The following SRPK1 variants were observed in gnomAD, a reference collection of about 807,000 sequenced individuals.
SRPK1 encodes the protein SFRS protein kinase 1.
SRPK1 carries 52 observed loss-of-function variants against 89.5 expected under a neutral mutation model. The ratio of observed to expected loss-of-function variants is 0.58; its 90% CI spans 0.46 to 0.73. The LOEUF is 0.73. Ranked by LOEUF, SRPK1 falls within the 30% of genes least tolerant of loss-of-function variation. The pLI is 0.00. For missense variants in SRPK1, 603 were observed against 780.6 expected (o/e 0.77, Z 2.71); for synonymous variants, 255 against 270.2 (o/e 0.94, Z 0.55).
At chr6:35,919,914 C>G (rs1321603177) in intron 2 of SRPK1, among the ~76,000 whole-genome samples, 2 of 152,178 alleles carry the variant, frequency 1.3e-5, no homozygotes, top group Non-Finnish European at 2.9e-5. Flanking sequence ...TCTGCCGGCA[C>G]ACTGCAAAAA....
intron 5 of SRPK1, chr6:35,887,734 A>C: frequency 2.5e-5 from 6 of 237,384 alleles, no homozygotes; most frequent in Non-Finnish European, 4.0e-5. Context: ...ACATTATGAC[A>C]GTAGCTACCT....
intron 6 of SRPK1, among the ~76,000 whole-genome samples, chr6:35,881,619 A>G (rs1326437107): frequency 6.6e-6 from 1 of 152,166 alleles, no homozygotes; most frequent in African/African-American, 2.4e-5. Flanking sequence ...ATCAGACAAA[A>G]TAGATTTTCA....
At chr6:35,869,199 C>T (rs1769973585) in intron 11 of SRPK1, 89 bp from the exon 12 acceptor site, 4 of 1,126,916 alleles carry the variant, frequency 3.5e-6, no homozygotes, top group Non-Finnish European at 5.1e-6. Flanking sequence ...AAGAGTAATA[C>T]AGTCAGCAAT....
rs1769684981 is a variant in SRPK1 at position 35,857,287 on chromosome 6, C to T, written c.1594G>A (p.Ala532Thr). Reference sequence around the variant, plus strand: ...ATGCATGCCGTGCTCCAAATGTCAGCAGGGGTATTATAGCCAGATCCGATT... The same window carrying T: ...ATGCATGCCGTGCTCCAAATGTCAGTAGGGGTATTATAGCCAGATCCGATT... ...VLIGSGYNTP[A>T]DIWSTACMAF... Residue 532 changes from alanine to threonine, a missense_variant, in exon 13 of 16, where the codon GCT becomes ACT. Coordinates refer to ENST00000373825, the MANE Select transcript of SRPK1 (RefSeq NM_003137.5). The T allele has an allele frequency of 6.2e-7, 1 of 1,612,910 alleles. No individual in the cohort carries two copies. The highest frequency in any genetic ancestry group is 8.5e-7 in the Non-Finnish European group (1 of 1,179,474).
At chr6:35,912,493 C>T (rs755364167) in intron 2 of SRPK1, among the ~76,000 whole-genome samples, 1 of 152,208 alleles carries the variant, frequency 6.6e-6, no homozygotes, top group Admixed American at 6.5e-5. Flanking sequence ...AGACATGACG[C>T]TACTGCAAAG....
At chr6:35,912,284 G>A (rs780480416) in intron 2 of SRPK1, among the ~76,000 whole-genome samples, 30 of 152,272 alleles carry the variant, frequency 2.0e-4, no homozygotes, top group South Asian at 6.2e-4. Context: ...CCAGGAGTTC[G>A]ATGCTGCAGT....
At chr6:35,893,117 G>A (rs1018269401) in intron 2 of SRPK1, among the ~76,000 whole-genome samples, 1 of 152,214 alleles carries the variant, frequency 6.6e-6, no homozygotes, top group Admixed American at 6.5e-5. Context: ...GAGTCTGAAT[G>A]AAGAACAACA....
chr6:35,892,559 C>T (rs141328229), intron 2 of SRPK1, among the ~76,000 whole-genome samples: 4,933 of 151,804 alleles, frequency 0.032, 255 homozygotes, highest in African/African-American at 0.1. Context: ...GGCTGAGGCA[C>T]AATAATCACT....
chr6:35,871,134 G>A, intron 8 of SRPK1, 175 bp from the exon 9 acceptor site: 1 of 399,138 alleles, frequency 2.5e-6, no homozygotes, highest in South Asian at 7.9e-5. Context: ...CATTTTTAAA[G>A]AAAATAATGA....
rs1386649568 is a variant in SRPK1, at chr6:35,886,780, C to G, written c.422G>C (p.Arg141Thr). 1 of 1,611,346 alleles carries G rather than the reference C, an allele frequency of 6.2e-7. No individual in the cohort carries two copies. The highest frequency in any genetic ancestry group is 8.5e-7 in the Non-Finnish European group (1 of 1,177,748). Reference protein sequence around the residue: ...VRNSDPNDPNREMVVQLLDDF... With the variant: ...VRNSDPNDPNTEMVVQLLDDF... ...ATCTAGTAGTTGAACAACCATTTCT[C>G]TATTTGGATCATTAGGGTCTGAATT... The change falls in exon 6 of 16, where the codon AGA becomes ACA. Residue 141 changes from arginine (R) to threonine (T), a missense_variant. Coordinates refer to ENST00000373825, the MANE Select transcript of SRPK1 (RefSeq NM_003137.5).
Position 35,920,631 on chromosome 6 carries a change from G to A in SRPK1, c.14-103C>T, listed in dbSNP as rs1771214838. 9 of 1,000,798 alleles carry A rather than the reference G, an allele frequency of 9.0e-6. No homozygotes were observed. The Admixed American group carries it at 2.4e-4, about 27-fold the overall frequency. The allele number at this position is 1,000,798 out of a possible 1,614,324, so 62.0% of individuals were successfully genotyped here. A position where few individuals can be genotyped will look rare whatever the true frequency, so the allele number is the denominator to read the frequency against. On this transcript the variant is annotated intron_variant, in intron 1 of 15. Transcript: ENST00000373825. Reference sequence around the variant, plus strand: ...GGCGCCAGGCCCGGCTGCGGGGCCTGCCTCGGGGGCGGCTGCGGGCTCCGG... The same window carrying A: ...GGCGCCAGGCCCGGCTGCGGGGCCTACCTCGGGGGCGGCTGCGGGCTCCGG...
intron 2 of SRPK1, among the ~76,000 whole-genome samples, chr6:35,899,930 G>A (rs1770706316): frequency 6.6e-6 from 1 of 151,760 alleles, no homozygotes; most frequent in African/African-American, 2.4e-5. Context: ...GAACCTGGGA[G>A]GCAGAGGTTG....
At chr6:35,857,210 G>T in intron 13 of SRPK1, 51 bp downstream of exon 13, 2 of 1,348,192 alleles carry the variant, frequency 1.5e-6, no homozygotes, top group South Asian at 1.2e-5. Context: ...TAGCAAACAG[G>T]GCAAGATATG....
rs1237430789 is a variant in SRPK1, at chr6:35,857,363, T to C, written c.1518A>G (p.Lys506=). Reference sequence around the variant, plus strand: ...TTGTTTGAATATCTTCAGTGAAATGTTTGTGCTGAGAAAATGAAGGAAACA... The same window carrying C: ...TTGTTTGAATATCTTCAGTGAAATGCTTGTGCTGAGAAAATGAAGGAAACA... ...ADLGNACWVH[K]HFTEDIQTRQ... The change falls in exon 13 of 16, where the codon AAA becomes AAG. Residue 506 remains lysine (K), a synonymous_variant. Transcript: ENST00000373825. 1.9e-6 allele frequency: 3 copies of C among 1,606,388 alleles called. No homozygotes were observed.
chr6:35,857,641 T>C (rs533561101), intron 12 of SRPK1, among the ~76,000 whole-genome samples: 16 of 152,340 alleles, frequency 1.1e-4, no homozygotes, highest in East Asian at 5.8e-4. Context: ...TTTTTAAAAA[T>C]TGTTTTAGTA....
intron 2 of SRPK1, 186 bp downstream of exon 2, chr6:35,920,282 C>A: frequency 1.5e-6 from 1 of 686,954 alleles, no homozygotes. Context: ...AGACCCAGGC[C>A]TGGCGTTGAG....
intron 4 of SRPK1, 134 bp from the exon 5 acceptor site, chr6:35,888,245 A>G: frequency 4.0e-6 from 2 of 501,568 alleles, no homozygotes; most frequent in Non-Finnish European, 3.5e-6. Context: ...AGCTACTTCT[A>G]TGGGAACATT....
intron 2 of SRPK1, among the ~76,000 whole-genome samples, chr6:35,913,244 G>A (rs919668393): frequency 4.6e-5 from 7 of 152,326 alleles, no homozygotes; most frequent in Non-Finnish European, 8.8e-5. Flanking sequence ...TGAAACTACA[G>A]AGGAAGAAGA....
intron 2 of SRPK1, among the ~76,000 whole-genome samples, chr6:35,892,356 T>C (rs1432597022): frequency 6.6e-6 from 1 of 152,114 alleles, no homozygotes; most frequent in Non-Finnish European, 1.5e-5. Flanking sequence ...CTAGGACCTT[T>C]AAGCAAAAAA....
Sources: gnomAD v4.1 joint callset for allele counts (sites outside exome capture counted in the v4.1 genomes callset) on GRCh38, gnomAD v4.1.1 for gene constraint, MANE v1.5 for transcripts, NCBI Gene and HGNC (gene_info 2026-07-23, HGNC 2026-07-21) for gene names.